The following GRM5 variants were observed in gnomAD, a reference collection of about 807,000 sequenced individuals.
GRM5 encodes metabotropic glutamate receptor 5.
GRM5 carries 19 observed loss-of-function variants against 83.1 expected under a neutral mutation model. That is an observed-to-expected ratio of 0.23 (90% CI 0.16 to 0.34). The LOEUF is 0.34. Ranked by LOEUF, GRM5 falls within the 10% of genes least tolerant of loss-of-function variation. The pLI is 1.00. For synonymous variants in GRM5, 675 were observed against 633.6 expected (o/e 1.07, Z -0.98); for missense variants, 1,160 against 1,588.3 (o/e 0.73, Z 4.58).
At chr11:88,536,656 G>A (rs115508029) in intron 8 of GRM5, among the ~76,000 whole-genome samples, 2,327 of 152,240 alleles carry the variant, frequency 0.015, 65 homozygotes, top group African/African-American at 0.052. Flanking sequence ...GACCTCAGGT[G>A]AAATTTGGAT....
intron 2 of GRM5, among the ~76,000 whole-genome samples, chr11:88,922,435 G>A (rs565480571): frequency 6.6e-5 from 10 of 152,122 alleles, no homozygotes; most frequent in African/African-American, 1.2e-4. Context: ...TATATCAACA[G>A]TGAACTCATT....
intron 8 of GRM5, among the ~76,000 whole-genome samples, chr11:88,533,375 C>T (rs1942060313): frequency 6.6e-6 from 1 of 152,148 alleles, no homozygotes; most frequent in Non-Finnish European, 1.5e-5. Context: ...AAGCTTACTT[C>T]TTTCAAATTT....
chr11:88,509,566 T>G, intron 9 of GRM5, 62 bp from the exon 10 acceptor site: 1 of 1,260,810 alleles, frequency 7.9e-7, no homozygotes. Flanking sequence ...TGGATGCCGC[T>G]TCCCCAATGG....
intron 3 of GRM5, among the ~76,000 whole-genome samples, chr11:88,733,278 G>C (rs1196567745): frequency 6.6e-6 from 1 of 152,008 alleles, no homozygotes; most frequent in African/African-American, 2.4e-5. Flanking sequence ...ATTAAAAAGA[G>C]TCAGTCATTG....
At chr11:88,950,208 G>A (rs1938413050) in intron 2 of GRM5, among the ~76,000 whole-genome samples, 1 of 151,902 alleles carries the variant, frequency 6.6e-6, no homozygotes, top group Non-Finnish European at 1.5e-5. Context: ...ACCATTAAGG[G>A]CAACTACTCT....
intron 7 of GRM5, among the ~76,000 whole-genome samples, chr11:88,586,253 T>C (rs2135200650): frequency 6.6e-6 from 1 of 152,328 alleles, no homozygotes; most frequent in Admixed American, 6.5e-5. Flanking sequence ...ACAAAAAGTA[T>C]ATGGCTAAAT....
chr11:88,908,209 T>C (rs535113117), intron 2 of GRM5, among the ~76,000 whole-genome samples: 6 of 152,278 alleles, frequency 3.9e-5, no homozygotes, highest in Non-Finnish European at 7.4e-5. Context: ...TTGTCAACTT[T>C]GTCCATCTTG....
intron 3 of GRM5, among the ~76,000 whole-genome samples, chr11:88,802,787 C>G (rs1265383228): frequency 6.7e-6 from 1 of 149,640 alleles, no homozygotes; most frequent in Non-Finnish European, 1.5e-5. Context: ...TAGAAAACCC[C>G]ATCATCTCAG....
At chr11:88,949,347 G>A (rs1197150476) in intron 2 of GRM5, among the ~76,000 whole-genome samples, 1 of 152,146 alleles carries the variant, frequency 6.6e-6, no homozygotes, top group East Asian at 1.9e-4. Flanking sequence ...GCACTTGCCT[G>A]TTCAGTATGT....
At chr11:88,615,389 A>G (rs1456809409) in intron 4 of GRM5, among the ~76,000 whole-genome samples, 1 of 152,186 alleles carries the variant, frequency 6.6e-6, no homozygotes, top group African/African-American at 2.4e-5. Context: ...GAAAGACATC[A>G]TGATTTGTTT....
At chr11:88,692,625 G>T (rs1940807866) in intron 3 of GRM5, among the ~76,000 whole-genome samples, 1 of 152,282 alleles carries the variant, frequency 6.6e-6, no homozygotes, top group Admixed American at 6.5e-5. Context: ...CATTGCTTCA[G>T]AAAAACTGTC....
chr11:88,964,966 A>C (rs1041633450), intron 2 of GRM5, among the ~76,000 whole-genome samples: 2 of 152,220 alleles, frequency 1.3e-5, no homozygotes, highest in Non-Finnish European at 2.9e-5. Context: ...TCAAGTGGTC[A>C]GAAAAAGAAC....
intron 2 of GRM5, among the ~76,000 whole-genome samples, chr11:89,010,211 C>A (rs111539640): frequency 8.5e-5 from 13 of 152,060 alleles, no homozygotes; most frequent in African/African-American, 3.1e-4. Flanking sequence ...TAAAAGCATG[C>A]CCACAGAATA....
At chr11:88,828,796 A>G (rs1288224225) in intron 3 of GRM5, among the ~76,000 whole-genome samples, 1 of 152,112 alleles carries the variant, frequency 6.6e-6, no homozygotes, top group African/African-American at 2.4e-5. Flanking sequence ...TGAATTATAC[A>G]AACATTAAGT....
intron 4 of GRM5, among the ~76,000 whole-genome samples, chr11:88,618,442 C>G (rs1468971964): frequency 6.6e-6 from 1 of 151,980 alleles, no homozygotes; most frequent in East Asian, 1.9e-4. Context: ...TTTCTTGCTG[C>G]TTTGGCCCTA....
At chr11:88,668,562 T>C (rs1051361243) in intron 3 of GRM5, among the ~76,000 whole-genome samples, 6 of 152,104 alleles carry the variant, frequency 3.9e-5, no homozygotes, top group Non-Finnish European at 7.4e-5. Flanking sequence ...AATAACATAT[T>C]AGGAAACTGT....
At chr11:88,526,711 C>G (rs1941886628) in intron 8 of GRM5, among the ~76,000 whole-genome samples, 1 of 150,940 alleles carries the variant, frequency 6.6e-6, no homozygotes. Flanking sequence ...GATCCTGGGG[C>G]AGAGGCCTTC....
At chr11:88,799,401 A>G (rs1443785009) in intron 3 of GRM5, among the ~76,000 whole-genome samples, 1 of 152,142 alleles carries the variant, frequency 6.6e-6, no homozygotes, top group Non-Finnish European at 1.5e-5. Flanking sequence ...GTAACTATCT[A>G]TATATGTATA....
At chr11:88,909,331 C>T (rs2135605883) in intron 2 of GRM5, among the ~76,000 whole-genome samples, 1 of 152,066 alleles carries the variant, frequency 6.6e-6, no homozygotes, top group Middle Eastern at 3.4e-3. Context: ...CATATACTTC[C>T]TCGCTCAAAG....
Sources: gnomAD v4.1 joint callset for allele counts (sites outside exome capture counted in the v4.1 genomes callset) on GRCh38, gnomAD v4.1.1 for gene constraint, MANE v1.5 for transcripts, NCBI Gene and HGNC (gene_info 2026-07-23, HGNC 2026-07-21) for gene names.